Variants in RBFOX1 observed in about 807,000 individuals in gnomAD.
RBFOX1 encodes the protein RNA binding protein fox-1 homolog 1.
A neutral mutation model predicts 57.7 loss-of-function variants in RBFOX1; 8 were observed. The ratio of observed to expected loss-of-function variants is 0.14; its 90% CI spans 0.08 to 0.25. The LOEUF (loss-of-function observed/expected upper bound fraction) is 0.25. RBFOX1 is among the 10% of genes least tolerant of loss of function. The pLI, the probability that RBFOX1 is intolerant of heterozygous loss-of-function variation, is 1.00. For missense variants in RBFOX1, 611 were observed against 548.5 expected (o/e 1.11, Z -1.14); for synonymous variants, 326 against 222.4 (o/e 1.47, Z -4.15).
intron 4 of RBFOX1, among the ~76,000 whole-genome samples, chr16:7,056,926 A>C (rs915146532): frequency 9.9e-5 from 15 of 152,116 alleles, no homozygotes; most frequent in African/African-American, 3.4e-4. Context: ...TCCCACTTCT[A>C]AATGCTCCTT....
intron 2 of RBFOX1, among the ~76,000 whole-genome samples, chr16:6,562,914 T>C (rs1194767737): frequency 1.4e-5 from 2 of 139,704 alleles, no homozygotes; most frequent in Non-Finnish European, 3.1e-5. Context: ...GTTGTTACTG[T>C]TTCCTTGGGC....
chr16:6,427,447 A>G (rs946250251), intron 2 of RBFOX1, among the ~76,000 whole-genome samples: 5 of 152,190 alleles, frequency 3.3e-5, no homozygotes, highest in African/African-American at 1.2e-4. Context: ...GGAATATTTT[A>G]TGCAATGAAA....
At chr16:6,823,447 G>T (rs993970047) in intron 3 of RBFOX1, among the ~76,000 whole-genome samples, 1 of 151,924 alleles carries the variant, frequency 6.6e-6, no homozygotes, top group South Asian at 2.1e-4. Context: ...AATAGAGATG[G>T]GGTTTTGCCA....
At chr16:6,742,077 A>G (rs935634565) in intron 3 of RBFOX1, among the ~76,000 whole-genome samples, 2 of 152,282 alleles carry the variant, frequency 1.3e-5, no homozygotes, top group South Asian at 2.1e-4. Flanking sequence ...ACATTTTTCA[A>G]AACATCATGT....
intron 4 of RBFOX1, among the ~76,000 whole-genome samples, chr16:7,414,099 A>G (rs1030682547): frequency 3.9e-5 from 6 of 152,228 alleles, no homozygotes; most frequent in Non-Finnish European, 7.3e-5. Context: ...TGTTACAAAG[A>G]AACCAGAAAA....
intron 3 of RBFOX1, among the ~76,000 whole-genome samples, chr16:6,814,970 G>T (rs1366422004): frequency 6.6e-6 from 1 of 152,188 alleles, no homozygotes; most frequent in Non-Finnish European, 1.5e-5. Context: ...TCTACAGGCA[G>T]AGCAGTGGTA....
At chr16:6,491,367 C>T (rs1206067030) in intron 2 of RBFOX1, among the ~76,000 whole-genome samples, 3 of 151,992 alleles carry the variant, frequency 2.0e-5, no homozygotes, top group African/African-American at 7.3e-5. Flanking sequence ...AGTGATAAAC[C>T]TTGTATGCCA....
intron 1 of RBFOX1, among the ~76,000 whole-genome samples, chr16:6,160,011 T>G (rs1042662155): frequency 6.6e-6 from 1 of 152,158 alleles, no homozygotes; most frequent in African/African-American, 2.4e-5. Flanking sequence ...CACAGGTCAA[T>G]AGAATATACC....
intron 1 of RBFOX1, among the ~76,000 whole-genome samples, chr16:6,020,990 G>A (rs1161405276): frequency 6.6e-6 from 1 of 152,188 alleles, no homozygotes; most frequent in Non-Finnish European, 1.5e-5. Context: ...TCCTGTGTGG[G>A]CCAGAGCTGG....
intron 3 of RBFOX1, among the ~76,000 whole-genome samples, chr16:5,633,172 C>CGG: frequency 1.3e-5 from 2 of 151,920 alleles, no homozygotes; most frequent in South Asian, 4.2e-4. Context: ...CTCCTGACCT[C>CGG]GTGATCCAGC....
intron 1 of RBFOX1, among the ~76,000 whole-genome samples, chr16:6,027,466 ATCCCAGC>A (rs2095218079): frequency 6.6e-6 from 1 of 152,176 alleles, no homozygotes; most frequent in African/African-American, 2.4e-5. Flanking sequence ...CTGGCTTGAG[ATCCCAGC>A]TCCATCACTT....
At chr16:6,264,194 T>C (rs1329284355) in intron 1 of RBFOX1, among the ~76,000 whole-genome samples, 6 of 152,194 alleles carry the variant, frequency 3.9e-5, no homozygotes, top group Non-Finnish European at 7.3e-5. Context: ...TTCTCTTGGA[T>C]AATCCATCTG....
At chr16:5,703,672 C>G (rs932429569) in intron 3 of RBFOX1, among the ~76,000 whole-genome samples, 7 of 152,118 alleles carry the variant, frequency 4.6e-5, no homozygotes, top group African/African-American at 1.7e-4. Context: ...ACTCTCTGAG[C>G]CCAGTTTTCT....
intron 2 of RBFOX1, among the ~76,000 whole-genome samples, chr16:6,616,220 A>G (rs1024908895): frequency 2.6e-5 from 4 of 152,210 alleles, no homozygotes; most frequent in African/African-American, 2.4e-5. Context: ...GTGAATAATA[A>G]ATGAATGTCT....
chr16:5,631,736 C>T (rs939836328), intron 3 of RBFOX1, among the ~76,000 whole-genome samples: 1 of 152,056 alleles, frequency 6.6e-6, no homozygotes, highest in Non-Finnish European at 1.5e-5. Context: ...AGTTTTGGCT[C>T]TTAGGAGGTG....
intron 3 of RBFOX1, among the ~76,000 whole-genome samples, chr16:7,016,154 C>T (rs1279347236): frequency 6.6e-6 from 1 of 152,150 alleles, no homozygotes; most frequent in African/African-American, 2.4e-5. Context: ...CACCACCAGA[C>T]ATGACCATCC....
intron 1 of RBFOX1, among the ~76,000 whole-genome samples, chr16:6,268,769 A>C (rs889629491): frequency 1.3e-5 from 2 of 152,186 alleles, no homozygotes; most frequent in Non-Finnish European, 2.9e-5. Context: ...AATAATTAAA[A>C]ATAGTTATAA....
chr16:5,763,805 C>G (rs1009902446), intron 3 of RBFOX1, among the ~76,000 whole-genome samples: 1 of 152,230 alleles, frequency 6.6e-6, no homozygotes, highest in Non-Finnish European at 1.5e-5. Flanking sequence ...AGCCTTTGCT[C>G]AAATGCTCCC....
chr16:7,597,159 T>C, intron 8 of RBFOX1: 1 of 440,078 alleles, frequency 2.3e-6, no homozygotes, highest in East Asian at 3.8e-5. Flanking sequence ...CATTGCTTTA[T>C]TGAAATGATT....
Sources: gnomAD v4.1 joint callset for allele counts (sites outside exome capture counted in the v4.1 genomes callset) on GRCh38, gnomAD v4.1.1 for gene constraint, MANE v1.5 for transcripts, NCBI Gene and HGNC (gene_info 2026-07-23, HGNC 2026-07-21) for gene names.